The following FYN variants were observed in gnomAD, a reference collection of about 807,000 sequenced individuals.
The protein encoded by FYN is tyrosine-protein kinase Fyn.
FYN carries 10 observed loss-of-function variants against 70.2 expected under a neutral mutation model. The ratio of observed to expected loss-of-function variants is 0.14; its 90% CI spans 0.09 to 0.24. The LOEUF is 0.24. FYN is among the 10% of genes least tolerant of loss of function. The pLI, the probability that FYN is intolerant of heterozygous loss-of-function variation, is 1.00. For synonymous variants in FYN, 236 were observed against 248.6 expected (o/e 0.95, Z 0.48); for missense variants, 319 against 673.1 (o/e 0.47, Z 5.82).
chr6:111,688,809 A>G (rs1360584311), intron 12 of FYN, among the ~76,000 whole-genome samples: 1 of 152,200 alleles, frequency 6.6e-6, no homozygotes, highest in Non-Finnish European at 1.5e-5. Context: ...ATGAGAAAAT[A>G]GGCAAGCTGG....
At chr6:111,855,537 C>A (rs556276167) in intron 1 of FYN, among the ~76,000 whole-genome samples, 2 of 152,094 alleles carry the variant, frequency 1.3e-5, no homozygotes, top group African/African-American at 4.8e-5. Context: ...TAGAAATATC[C>A]CAAACTTTTT....
chr6:111,750,920 C>T (rs1474096591), intron 3 of FYN, among the ~76,000 whole-genome samples: 3 of 151,956 alleles, frequency 2.0e-5, no homozygotes, highest in Non-Finnish European at 4.4e-5. Context: ...AGATGGGAGT[C>T]GTAGACATGA....
intron 3 of FYN, among the ~76,000 whole-genome samples, chr6:111,749,262 T>C (rs529168388): frequency 6.6e-6 from 1 of 152,314 alleles, no homozygotes; most frequent in African/African-American, 2.4e-5. Flanking sequence ...CCTGCTGATC[T>C]CTCACATGTG....
chr6:111,763,957 T>C (rs1197768652), intron 3 of FYN, among the ~76,000 whole-genome samples: 1 of 151,884 alleles, frequency 6.6e-6, no homozygotes, highest in East Asian at 1.9e-4. Flanking sequence ...CAATATGCAG[T>C]AGGAACACAT....
intron 8 of FYN, among the ~76,000 whole-genome samples, chr6:111,701,235 A>G (rs1055177268): frequency 6.6e-6 from 1 of 152,022 alleles, no homozygotes; most frequent in Admixed American, 6.6e-5. Flanking sequence ...TGCTAAGGGG[A>G]ACTTAAATGC....
At chr6:111,851,532 G>A (rs1014466501) in intron 1 of FYN, among the ~76,000 whole-genome samples, 18 of 152,112 alleles carry the variant, frequency 1.2e-4, no homozygotes, top group African/African-American at 4.3e-4. Flanking sequence ...CTAACTGCAC[G>A]GTCTGTTTCA....
At chr6:111,781,813 A>C (rs1771184647) in intron 2 of FYN, among the ~76,000 whole-genome samples, 1 of 152,224 alleles carries the variant, frequency 6.6e-6, no homozygotes, top group East Asian at 1.9e-4. Flanking sequence ...CAGTTATCAA[A>C]ATATTTGACA....
At chr6:111,854,553 A>C (rs1352566134) in intron 1 of FYN, among the ~76,000 whole-genome samples, 2 of 152,252 alleles carry the variant, frequency 1.3e-5, no homozygotes, top group Non-Finnish European at 2.9e-5. Context: ...GTTATAGGTT[A>C]GGCATACATG....
intron 2 of FYN, among the ~76,000 whole-genome samples, chr6:111,834,129 A>G (rs935558613): frequency 6.6e-6 from 1 of 152,228 alleles, no homozygotes; most frequent in African/African-American, 2.4e-5. Context: ...AAAAGTTAGC[A>G]ATAAATTGTT....
intron 3 of FYN, among the ~76,000 whole-genome samples, chr6:111,750,262 C>A (rs527757681): frequency 1.4e-4 from 22 of 152,290 alleles, no homozygotes; most frequent in African/African-American, 5.3e-4. Context: ...AATGGTTTAG[C>A]ACCATCCTCC....
intron 2 of FYN, among the ~76,000 whole-genome samples, chr6:111,808,432 C>G (rs973017899): frequency 6.6e-6 from 1 of 152,144 alleles, no homozygotes. Context: ...GAAACGCTCA[C>G]GGAAGGGCTG....
chr6:111,805,009 G>A (rs1772103919), intron 2 of FYN, among the ~76,000 whole-genome samples: 1 of 151,646 alleles, frequency 6.6e-6, no homozygotes, highest in African/African-American at 2.4e-5. Flanking sequence ...TAACCTCCAG[G>A]AGTCCTTTTC....
intron 2 of FYN, chr6:111,813,803 G>C (rs185388367): frequency 6.6e-6 from 1 of 152,382 alleles, no homozygotes; most frequent in Non-Finnish European, 1.5e-5. Flanking sequence ...TATGTGGTAA[G>C]AGGATGTGCG....
At chr6:111,750,717 A>T (rs1003292657) in intron 3 of FYN, among the ~76,000 whole-genome samples, 27 of 130,716 alleles carry the variant, frequency 2.1e-4, no homozygotes, top group Admixed American at 3.8e-4. Flanking sequence ...AATTCATGTC[A>T]TTTTTTTTTT....
intron 3 of FYN, among the ~76,000 whole-genome samples, chr6:111,746,595 T>A (rs1199413189): frequency 6.6e-6 from 1 of 152,226 alleles, no homozygotes; most frequent in African/African-American, 2.4e-5. Flanking sequence ...ATACCACTAC[T>A]TAGTAGCTTT....
chr6:111,759,048 TA>T (rs1802880963), intron 3 of FYN: 2 of 152,638 alleles, frequency 1.3e-5, no homozygotes, highest in Non-Finnish European at 2.9e-5. Flanking sequence ...ACCCTTCACG[TA>T]AGCCTCCCTT....
intron 3 of FYN, among the ~76,000 whole-genome samples, chr6:111,773,119 G>T (rs181644147): frequency 1.4e-3 from 213 of 150,052 alleles, no homozygotes; most frequent in African/African-American, 5.2e-3. Flanking sequence ...AATTAGAAGA[G>T]GGAATAAAGC....
intron 2 of FYN, among the ~76,000 whole-genome samples, chr6:111,813,312 T>C (rs1008348353): frequency 4.6e-5 from 7 of 152,176 alleles, no homozygotes; most frequent in African/African-American, 1.4e-4. Context: ...AAGAAAGATA[T>C]ACTCACCACC....
chr6:111,800,324 G>A (rs1483295261), intron 2 of FYN, among the ~76,000 whole-genome samples: 2 of 152,132 alleles, frequency 1.3e-5, no homozygotes, highest in Non-Finnish European at 2.9e-5. Context: ...CTGAAAATGA[G>A]GCACAGGTCT....
Sources: allele counts gnomAD v4.1 joint callset (sites outside exome capture counted in the v4.1 genomes callset), GRCh38; gene constraint gnomAD v4.1.1; transcripts MANE v1.5; gene names NCBI Gene and HGNC (gene_info 2026-07-23, HGNC 2026-07-21).